The following RPH3AL variants were observed in gnomAD, a reference collection of about 807,000 sequenced individuals.
The protein encoded by RPH3AL is rab effector Noc2.
Under a neutral mutation model 43.1 loss-of-function variants are expected in RPH3AL, and 38 were observed. The observed-to-expected ratio is 0.88, with a 90% CI of 0.68 to 1.15. The LOEUF (loss-of-function observed/expected upper bound fraction) is 1.15, where lower values mean the gene tolerates loss of function less well. Ranked by LOEUF, RPH3AL falls within the 50% of genes most tolerant of loss-of-function variation. The pLI, the probability that RPH3AL is intolerant of heterozygous loss-of-function variation, is 0.00. For synonymous variants in RPH3AL, 189 were observed against 176.3 expected, an observed-to-expected ratio of 1.07 and a Z score of -0.57; for missense variants, 462 against 423.2, an observed-to-expected ratio of 1.09 and a Z score of -0.81.
chr17:348,000 T>TA (rs1319771002), intron 1 of RPH3AL, among the ~76,000 whole-genome samples: 2 of 115,318 alleles, frequency 1.7e-5, no homozygotes, highest in African/African-American at 7.4e-5. Context: ...ATCCCATCTC[T>TA]ACCAAAAAAA....
intron 5 of RPH3AL, among the ~76,000 whole-genome samples, chr17:307,402 G>A (rs1469194029): frequency 6.9e-6 from 1 of 145,896 alleles, no homozygotes; most frequent in African/African-American, 2.6e-5. Context: ...CCCGCGGCAG[G>A]TCCTCCCCAC....
At chr17:316,062 C>T (rs1371873413) in intron 5 of RPH3AL, among the ~76,000 whole-genome samples, 1 of 150,986 alleles carries the variant, frequency 6.6e-6, no homozygotes, top group African/African-American at 2.5e-5. Flanking sequence ...ACTCCACCTC[C>T]AGTGATGTGT....
chr17:306,155 C>G (rs1032482500), intron 5 of RPH3AL, among the ~76,000 whole-genome samples: 1 of 151,972 alleles, frequency 6.6e-6, no homozygotes, highest in African/African-American at 2.4e-5. Context: ...GCCACTGCGC[C>G]CGACTTCCCC....
chr17:310,732 G>A (rs55842940), intron 5 of RPH3AL, among the ~76,000 whole-genome samples: 65,024 of 151,884 alleles, frequency 0.43, 15,220 homozygotes, highest in East Asian at 0.71. Flanking sequence ...CGGAGCACTG[G>A]GATCCGCATG....
rs1206415080 is a variant in RPH3AL, at chr17:323,356, G to C, written c.78-1941C>G. ...AATACCGGGGCAGCAGGGCAGGGCT[G>C]GAAGGGGGGCAAGGCCAGTAGAGTG... is the stretch of plus-strand genomic sequence containing the variant. On this transcript the variant is annotated intron_variant, in intron 3 of 9. Coordinates refer to ENST00000331302, the MANE Select transcript of RPH3AL (RefSeq NM_006987.4). The surrounding 1 kb of genome is among the most constrained non-coding windows in gnomAD (Gnocchi z 4.4). Among the ~76,000 whole-genome samples the C allele has an allele frequency of 6.6e-6, 1 of 152,198 alleles. No homozygotes were observed. The highest frequency in any genetic ancestry group is 1.5e-5 in the Non-Finnish European group (1 of 68,040).
intron 6 of RPH3AL, among the ~76,000 whole-genome samples, chr17:277,233 A>T (rs1257305697): frequency 6.6e-6 from 1 of 152,250 alleles, no homozygotes; most frequent in Non-Finnish European, 1.5e-5. Context: ...AAAAGACTTA[A>T]GATATTCATT....
Position 310,300 on chromosome 17 carries a change from C to G in RPH3AL, c.351+9120G>C, listed in dbSNP as rs535718712. 8.5e-5 allele frequency among the ~76,000 whole-genome samples: 13 copies of G among 152,258 alleles called. No individual in the cohort carries two copies. The East Asian group carries it at 1.2e-3, about 14-fold the overall frequency. On this transcript the variant is annotated intron_variant, in intron 5 of 9. Coordinates refer to ENST00000331302, the MANE Select transcript of RPH3AL (RefSeq NM_006987.4). ...CATGCAGGCCCAATTACGGAGGGGA[C>G]GCAGCTCCGAGGACCGGCATCTCGG... is the stretch of plus-strand genomic sequence containing the variant.
intron 1 of RPH3AL, among the ~76,000 whole-genome samples, chr17:335,051 G>A (rs371878741): frequency 2.0e-5 from 3 of 152,218 alleles, no homozygotes; most frequent in Admixed American, 6.5e-5. Context: ...ACGAACGAGC[G>A]CGCTTTCATC....
intron 5 of RPH3AL, among the ~76,000 whole-genome samples, chr17:314,714 C>T (rs1484180832): frequency 1.3e-3 from 41 of 32,040 alleles, no homozygotes; most frequent in Middle Eastern, 0.019. Context: ...TCTCTGTGCT[C>T]CACCTCCACT....
chr17:322,820 C>T lies in RPH3AL; in HGVS notation c.78-1405G>A, dbSNP rs141464204. Among the ~76,000 whole-genome samples, 45 of 152,220 alleles carry T rather than the reference C, an allele frequency of 3.0e-4. No homozygotes were observed. The highest frequency in any genetic ancestry group is 4.7e-4 in the Non-Finnish European group (32 of 68,016). On this transcript the variant is annotated intron_variant, in intron 3 of 9. Coordinates refer to ENST00000331302, the MANE Select transcript of RPH3AL (RefSeq NM_006987.4). The surrounding 1 kb of genome is among the most constrained non-coding windows in gnomAD (Gnocchi z 4.0). ...AATAGGAGTTTGGAAAGCTAATACG[C>T]ATATCCTTTCTCTGTCAGGGGGAGC... is the stretch of plus-strand genomic sequence containing the variant.
chr17:322,693 C>T lies in RPH3AL; in HGVS notation c.78-1278G>A, dbSNP rs1056833075. 1.3e-5 allele frequency among the ~76,000 whole-genome samples: 2 copies of T among 152,036 alleles called. No individual in the cohort carries two copies. The highest frequency in any genetic ancestry group is 4.8e-5 in the African/African-American group (2 of 41,390). On this transcript the variant is annotated intron_variant, in intron 3 of 9. Transcript: ENST00000331302. The surrounding 1 kb of genome is among the most constrained non-coding windows in gnomAD (Gnocchi z 4.0). ...ACCTAGGGCAGCAGGCTGAGGGAGG[C>T]GGACCCTTTCCTGGGGGCCCCCTGA...
At chr17:265,491 A>C (rs185241566) in intron 6 of RPH3AL, among the ~76,000 whole-genome samples, 36 of 152,358 alleles carry the variant, frequency 2.4e-4, no homozygotes, top group Non-Finnish European at 4.1e-4. Context: ...CAACCAGCAG[A>C]ATTAAAACTA....
intron 7 of RPH3AL, among the ~76,000 whole-genome samples, chr17:222,280 A>T (rs933942761): frequency 6.6e-6 from 1 of 152,262 alleles, no homozygotes; most frequent in South Asian, 2.1e-4. Flanking sequence ...CCCAAGTTGT[A>T]AGTAGAAGAG....
In RPH3AL at chr17:303,531, C is replaced by G. The variant is rs532441891; in HGVS notation, c.351+15889G>C. 4.6e-5 allele frequency among the ~76,000 whole-genome samples: 6 copies of G among 130,528 alleles called. 1 individual carries two copies. Among genetic ancestry groups the G allele is most frequent in the African/African-American group, 1.7e-4 (6 of 35,936 alleles). 85.6% of individuals were successfully genotyped at this position (130,528 alleles called of 152,430 possible). The stretch of plus-strand genomic sequence containing the variant: ...TAATTATTGAGCAGTGACCGTGTTT[C>G]AGGAAAGAGATGGGGAGGGAGGGAG... On this transcript the variant is annotated intron_variant, in intron 5 of 9. Transcript: ENST00000331302.
intron 6 of RPH3AL, 89 bp from the exon 7 acceptor site, chr17:247,374 G>T: frequency 1.5e-6 from 2 of 1,322,524 alleles, no homozygotes; most frequent in Non-Finnish European, 2.0e-6. Flanking sequence ...GGCAGGACGC[G>T]GAGAGCTAGG....
intron 3 of RPH3AL, among the ~76,000 whole-genome samples, chr17:325,768 G>A (rs1312959185): frequency 1.3e-5 from 2 of 152,206 alleles, no homozygotes; most frequent in African/African-American, 2.4e-5. Flanking sequence ...GCACATAGTA[G>A]GGGTTTAGAA....
chr17:251,197 C>T lies in RPH3AL; in HGVS notation c.439-3912G>A, dbSNP rs556725706. Reference sequence around the variant, plus strand: ...GGCCTGCTTTTGTGTCGTTCTTGAACGGCCTGGAACCTGTCTGGTGGGATG... The same window carrying T: ...GGCCTGCTTTTGTGTCGTTCTTGAATGGCCTGGAACCTGTCTGGTGGGATG... On this transcript the variant is annotated intron_variant, in intron 6 of 9. Coordinates refer to ENST00000331302, the MANE Select transcript of RPH3AL (RefSeq NM_006987.4). 2.7e-4 allele frequency among the ~76,000 whole-genome samples: 41 copies of T among 152,302 alleles called. 1 individual carries two copies. Among genetic ancestry groups the T allele is most frequent in the Middle Eastern group, 3.4e-3 (1 of 294 alleles).
rs79229884 is a variant in RPH3AL at position 219,098 on chromosome 17, C to A, written c.727+525G>T. Among the ~76,000 whole-genome samples, 975 of 151,982 alleles carry A rather than the reference C, an allele frequency of 6.4e-3. 10 individuals carry two copies. Among genetic ancestry groups the A allele is most frequent in the African/African-American group, 0.022 (914 of 41,416 alleles). ...AGGAGCCTGTTGTCCCATCCCTAGG[C>A]CTGCTTCTCCTTCCAGATGTAGAAG... On this transcript the variant is annotated intron_variant, in intron 8 of 9. Transcript: ENST00000331302.
At chr17:310,045 A>G (rs941608983) in intron 5 of RPH3AL, among the ~76,000 whole-genome samples, 4 of 151,866 alleles carry the variant, frequency 2.6e-5, no homozygotes, top group African/African-American at 9.7e-5. Flanking sequence ...GGCTGAGACC[A>G]GAAAAAAAAA....
Sources: gnomAD v4.1 joint callset for allele counts (sites outside exome capture counted in the v4.1 genomes callset) on GRCh38, gnomAD v4.1.1 for gene constraint, Gnocchi (gnomAD v3.1) non-coding constraint, MANE v1.5 for transcripts, NCBI Gene and HGNC (gene_info 2026-07-23, HGNC 2026-07-21) for gene names.